The following CADPS2 variants were observed in gnomAD, a reference collection of about 807,000 sequenced individuals.
CADPS2 encodes calcium dependent secretion activator 2, also known as calcium-dependent secretion activator 2.
Under a neutral mutation model 172.5 loss-of-function variants are expected in CADPS2, and 93 were observed. The ratio of observed to expected loss-of-function variants is 0.54; its 90% CI spans 0.46 to 0.64. The LOEUF (loss-of-function observed/expected upper bound fraction) is 0.64, where lower values mean the gene tolerates loss of function less well. CADPS2 is among the 30% of genes least tolerant of loss of function. CADPS2 has a pLI of 0.00. For synonymous variants in CADPS2, 546 were observed against 555.2 expected, an observed-to-expected ratio of 0.98 and a Z score of 0.23; for missense variants, 1,420 against 1,565.9, an observed-to-expected ratio of 0.91 and a Z score of 1.57.
intron 3 of CADPS2, among the ~76,000 whole-genome samples, chr7:122,636,213 T>C (rs1038038036): frequency 2.6e-5 from 4 of 152,170 alleles, no homozygotes; most frequent in Non-Finnish European, 4.4e-5. Flanking sequence ...TGCCTAAGTA[T>C]GTTTTTGTGG....
At chr7:122,591,367 C>T (rs1236758757) in intron 6 of CADPS2, among the ~76,000 whole-genome samples, 3 of 152,104 alleles carry the variant, frequency 2.0e-5, no homozygotes, top group South Asian at 2.1e-4. Flanking sequence ...ACATTCCATG[C>T]TCATGGTTAG....
chr7:122,775,117 AT>A (rs1464874807), intron 1 of CADPS2, among the ~76,000 whole-genome samples: 1 of 152,136 alleles, frequency 6.6e-6, no homozygotes, highest in Non-Finnish European at 1.5e-5. Context: ...TTTTATGGAA[AT>A]TATATTCATT....
chr7:122,330,821 C>G (rs999997302), intron 28 of CADPS2: 1 of 152,172 alleles, frequency 6.6e-6, no homozygotes, highest in African/African-American at 2.4e-5. Context: ...AATGCAGACC[C>G]CGTGAGGGTG....
chr7:122,640,581 A>T (rs1450151761), intron 3 of CADPS2, among the ~76,000 whole-genome samples: 1 of 152,060 alleles, frequency 6.6e-6, no homozygotes, highest in African/African-American at 2.4e-5. Flanking sequence ...GGTCTAGGGC[A>T]TTACAATTTA....
chr7:122,690,161 A>T (rs2084149604), intron 2 of CADPS2, among the ~76,000 whole-genome samples: 1 of 152,188 alleles, frequency 6.6e-6, no homozygotes. Flanking sequence ...AGCTGAAACA[A>T]CAAAGCAAGC....
At chr7:122,366,520 G>A (rs1054307244) in intron 25 of CADPS2, among the ~76,000 whole-genome samples, 5 of 150,082 alleles carry the variant, frequency 3.3e-5, no homozygotes, top group East Asian at 3.9e-4. Flanking sequence ...CAGGAGAATC[G>A]CTTGAACCTG....
chr7:122,332,879 G>A (rs564072176), intron 28 of CADPS2, among the ~76,000 whole-genome samples: 3 of 152,238 alleles, frequency 2.0e-5, no homozygotes, highest in South Asian at 2.1e-4. Context: ...AAAAAATAAT[G>A]TTCTTTATTA....
At chr7:122,808,068 C>T (rs1799184574) in intron 1 of CADPS2, among the ~76,000 whole-genome samples, 2 of 152,146 alleles carry the variant, frequency 1.3e-5, no homozygotes, top group South Asian at 4.1e-4. Flanking sequence ...CAATAACATT[C>T]TACTTCAATA....
At chr7:122,860,625 G>A (rs1206101632) in intron 1 of CADPS2, among the ~76,000 whole-genome samples, 1 of 152,008 alleles carries the variant, frequency 6.6e-6, no homozygotes, top group Non-Finnish European at 1.5e-5. Flanking sequence ...GAAAAAACAG[G>A]TTATTTTAAA....
At position 122,690,959 on chromosome 7, in the gene CADPS2, T is replaced by C. The variant is rs552012001; in HGVS notation, c.454-27390A>G. On this transcript the variant is annotated intron_variant, in intron 2 of 29. Coordinates refer to ENST00000449022, the MANE Select transcript of CADPS2 (RefSeq NM_017954.11). ...AGGAATGGGGGGATACCATTCCTTA[T>C]AGTGAAGGTGCAGATTCTAGGTGTA... Among the ~76,000 whole-genome samples, 10 of 152,340 alleles carry C rather than the reference T, an allele frequency of 6.6e-5. No individual in the cohort carries two copies. In the South Asian group the frequency reaches 1.4e-3, roughly 22 times the overall value.
intron 1 of CADPS2, among the ~76,000 whole-genome samples, chr7:122,810,681 T>C (rs2140152212): frequency 6.6e-6 from 1 of 152,152 alleles, no homozygotes; most frequent in Admixed American, 6.6e-5. Context: ...GAATTTGCTT[T>C]TTTAGCTCAA....
At chr7:122,625,443 C>T (rs781465539) in intron 4 of CADPS2, among the ~76,000 whole-genome samples, 17 of 152,138 alleles carry the variant, frequency 1.1e-4, no homozygotes, top group Non-Finnish European at 1.9e-4. Context: ...ATTCTTTAGA[C>T]GTGAATAACA....
At chr7:122,706,470 T>C (rs1383174179) in intron 2 of CADPS2, among the ~76,000 whole-genome samples, 2 of 146,160 alleles carry the variant, frequency 1.4e-5, no homozygotes, top group Non-Finnish European at 3.0e-5. Flanking sequence ...TATATATATG[T>C]TTATATATTC....
chr7:122,691,767 T>C (rs2084401774), intron 2 of CADPS2, among the ~76,000 whole-genome samples: 1 of 152,102 alleles, frequency 6.6e-6, no homozygotes, highest in East Asian at 1.9e-4. Flanking sequence ...CCAGTTCTAT[T>C]GTCAAGCAGT....
chr7:122,847,577 C>A (rs534894248), intron 1 of CADPS2, among the ~76,000 whole-genome samples: 1 of 151,612 alleles, frequency 6.6e-6, no homozygotes, highest in South Asian at 2.1e-4. Flanking sequence ...ACATACAAAG[C>A]CTTTGCTGTA....
At chr7:122,832,946 G>T (rs1807050560) in intron 1 of CADPS2, among the ~76,000 whole-genome samples, 1 of 152,116 alleles carries the variant, frequency 6.6e-6, no homozygotes, top group Non-Finnish European at 1.5e-5. Flanking sequence ...TCCCTTCCCA[G>T]ATTATGTGAA....
intron 17 of CADPS2, among the ~76,000 whole-genome samples, chr7:122,437,040 A>G (rs1173061648): frequency 1.3e-5 from 2 of 152,068 alleles, no homozygotes; most frequent in South Asian, 2.1e-4. Flanking sequence ...CAGATCTGAA[A>G]GGCTTTAATA....
intron 20 of CADPS2, among the ~76,000 whole-genome samples, chr7:122,398,300 G>T (rs1326827426): frequency 1.3e-5 from 2 of 150,682 alleles, no homozygotes; most frequent in African/African-American, 2.4e-5. Context: ...GCAAATAAAA[G>T]AATTCATATA....
At chr7:122,717,856 C>T (rs1341700696) in intron 2 of CADPS2, among the ~76,000 whole-genome samples, 4 of 152,012 alleles carry the variant, frequency 2.6e-5, no homozygotes, top group Non-Finnish European at 5.9e-5. Flanking sequence ...GTCACCTACG[C>T]TGGAGTACAG....
Sources: allele counts gnomAD v4.1 joint callset (sites outside exome capture counted in the v4.1 genomes callset), GRCh38; gene constraint gnomAD v4.1.1; transcripts MANE v1.5; gene names NCBI Gene and HGNC (gene_info 2026-07-23, HGNC 2026-07-21).